Variants in EPB41L4A observed in about 807,000 individuals in gnomAD.
The protein encoded by EPB41L4A is erythrocyte membrane protein band 4.1 like 4A, also known as band 4.1-like protein 4A.
EPB41L4A carries 100 observed loss-of-function variants against 108.6 expected under a neutral mutation model. The ratio of observed to expected loss-of-function variants is 0.92; its 90% CI spans 0.78 to 1.09. EPB41L4A has a LOEUF of 1.09. Among genes scored for constraint, EPB41L4A ranks in the 50% least tolerant of loss-of-function variants. EPB41L4A has a pLI of 0.00. For synonymous variants in EPB41L4A, 319 were observed against 289.0 expected (o/e 1.10, Z -1.05); for missense variants, 1,030 against 842.7 (o/e 1.22, Z -2.75).
At chr5:112,203,062 A>G (rs955236631) in intron 15 of EPB41L4A, among the ~76,000 whole-genome samples, 2 of 151,666 alleles carry the variant, frequency 1.3e-5, no homozygotes, top group South Asian at 2.1e-4. Flanking sequence ...ATACATTTTT[A>G]TTTTTTTAAA....
intron 12 of EPB41L4A, among the ~76,000 whole-genome samples, chr5:112,213,385 G>A (rs1747365630): frequency 6.9e-6 from 1 of 145,510 alleles, no homozygotes; most frequent in Non-Finnish European, 1.5e-5. Context: ...CTCTTGCTCT[G>A]TCACCCAGGC....
chr5:112,288,608 A>G (rs554904167), intron 2 of EPB41L4A, among the ~76,000 whole-genome samples: 15 of 152,180 alleles, frequency 9.9e-5, no homozygotes, highest in Non-Finnish European at 1.3e-4. Context: ...AACTAGTATT[A>G]TGGACTAGTA....
intron 12 of EPB41L4A, among the ~76,000 whole-genome samples, chr5:112,147,173 A>T (rs975559767): frequency 6.6e-6 from 1 of 152,182 alleles, no homozygotes; most frequent in Non-Finnish European, 1.5e-5. Flanking sequence ...TTGAATTAGT[A>T]TTCATTTAGC....
At chr5:112,297,706 C>T (rs964792343) in intron 2 of EPB41L4A, among the ~76,000 whole-genome samples, 2 of 152,088 alleles carry the variant, frequency 1.3e-5, no homozygotes, top group Non-Finnish European at 2.9e-5. Context: ...AAATCTTTGC[C>T]TAAGCCAATG....
chr5:112,235,873 G>C (rs944428601), intron 11 of EPB41L4A, among the ~76,000 whole-genome samples: 1 of 152,138 alleles, frequency 6.6e-6, no homozygotes, highest in African/African-American at 2.4e-5. Flanking sequence ...ATTCGGGAGG[G>C]GAGAGGAGCA....
At chr5:112,266,443 A>C in intron 4 of EPB41L4A, 113 bp from the exon 5 acceptor site, 1 of 673,912 alleles carries the variant, frequency 1.5e-6, no homozygotes, top group Non-Finnish European at 2.5e-6. Flanking sequence ...AAATAAAGTC[A>C]CCCCCCATTC....
At chr5:112,178,759 T>C (rs562057717) in intron 18 of EPB41L4A, among the ~76,000 whole-genome samples, 6 of 151,834 alleles carry the variant, frequency 4.0e-5, no homozygotes, top group South Asian at 2.1e-4. Flanking sequence ...ATGTGAGATA[T>C]AGTTAAAGCA....
intron 9 of EPB41L4A, among the ~76,000 whole-genome samples, chr5:112,246,414 G>C (rs1375506264): frequency 6.6e-6 from 1 of 152,124 alleles, no homozygotes; most frequent in Non-Finnish European, 1.5e-5. Flanking sequence ...GAGAGCAATA[G>C]GCTATACTGT....
chr5:112,246,161 C>A (rs573730710), intron 9 of EPB41L4A, among the ~76,000 whole-genome samples: 1 of 152,186 alleles, frequency 6.6e-6, no homozygotes, highest in Admixed American at 6.5e-5. Flanking sequence ...AAGATAGGAG[C>A]CCTTAGGGAG....
At chr5:112,168,948 G>A (rs1760410700) in intron 21 of EPB41L4A, 47 bp downstream of exon 21, 1 of 1,525,074 alleles carries the variant, frequency 6.6e-7, no homozygotes, top group East Asian at 2.3e-5. Flanking sequence ...AGACTGCACT[G>A]TTTTGGAGCC....
intron 14 of EPB41L4A, chr5:112,204,745 A>G (rs906255277): frequency 3.0e-6 from 1 of 335,210 alleles, no homozygotes; most frequent in African/African-American, 2.0e-5. Flanking sequence ...ACACACACAA[A>G]TAACAATAAC....
chr5:112,299,359 G>A (rs1237738875), intron 2 of EPB41L4A, among the ~76,000 whole-genome samples: 1 of 152,136 alleles, frequency 6.6e-6, no homozygotes, highest in East Asian at 1.9e-4. Context: ...TTATCATTCA[G>A]TTTGAAGAAT....
intron 9 of EPB41L4A, among the ~76,000 whole-genome samples, chr5:112,254,229 C>T (rs1335865451): frequency 6.6e-6 from 1 of 152,174 alleles, no homozygotes; most frequent in Non-Finnish European, 1.5e-5. Context: ...CCTCTTGTTG[C>T]CAAAACCAAG....
At chr5:112,337,799 T>C (rs1328880064) in intron 1 of EPB41L4A, among the ~76,000 whole-genome samples, 1 of 152,138 alleles carries the variant, frequency 6.6e-6, no homozygotes, top group African/African-American at 2.4e-5. Context: ...GAGGAGAAAG[T>C]GAACTCTTCT....
At chr5:112,268,701 G>A (rs1376928452) in intron 4 of EPB41L4A, among the ~76,000 whole-genome samples, 2 of 151,792 alleles carry the variant, frequency 1.3e-5, no homozygotes, top group Non-Finnish European at 2.9e-5. Flanking sequence ...AAACAAATTA[G>A]CCAGCCAGGT....
chr5:112,392,214 A>C (rs1760995480), intron 1 of EPB41L4A, among the ~76,000 whole-genome samples: 1 of 152,176 alleles, frequency 6.6e-6, no homozygotes, highest in African/African-American at 2.4e-5. Flanking sequence ...AATCAAATTC[A>C]CACATAACAA....
At chr5:112,391,598 C>T (rs759666353) in intron 1 of EPB41L4A, among the ~76,000 whole-genome samples, 6 of 152,102 alleles carry the variant, frequency 3.9e-5, no homozygotes, top group Non-Finnish European at 8.8e-5. Flanking sequence ...ACCAAATCTA[C>T]GTCTGATTGG....
chr5:112,288,200 C>T (rs1414116910), intron 2 of EPB41L4A, among the ~76,000 whole-genome samples: 3 of 152,134 alleles, frequency 2.0e-5, no homozygotes, highest in African/African-American at 4.8e-5. Context: ...TTAACGGCAC[C>T]GTGTCCCAAC....
intron 1 of EPB41L4A, among the ~76,000 whole-genome samples, chr5:112,393,903 G>A (rs548311352): frequency 2.6e-5 from 4 of 152,184 alleles, no homozygotes; most frequent in African/African-American, 9.6e-5. Flanking sequence ...AGATCAAGTT[G>A]GCTTCATTCC....
Sources: allele counts gnomAD v4.1 joint callset (sites outside exome capture counted in the v4.1 genomes callset), GRCh38; gene constraint gnomAD v4.1.1; transcripts MANE v1.5; gene names NCBI Gene and HGNC (gene_info 2026-07-23, HGNC 2026-07-21).